Variants in STOX2 observed in about 807,000 individuals in gnomAD.
STOX2 encodes storkhead-box protein 2.
In STOX2, 28 loss-of-function variants were observed where a neutral mutation model predicts 60.9. The ratio of observed to expected loss-of-function variants is 0.46; its 90% CI spans 0.34 to 0.63. The LOEUF is 0.63. STOX2 is among the 30% of genes least tolerant of loss of function. The pLI is 0.01. For synonymous variants in STOX2, 472 were observed against 463.9 expected, an observed-to-expected ratio of 1.02 and a Z score of -0.22; for missense variants, 1,024 against 1,187.7, an observed-to-expected ratio of 0.86 and a Z score of 2.03.
At chr4:183,817,174 A>C (rs770059869) in intron 1 of STOX2, among the ~76,000 whole-genome samples, 5 of 152,240 alleles carry the variant, frequency 3.3e-5, no homozygotes, top group Non-Finnish European at 7.3e-5. Flanking sequence ...AGTGAACTGA[A>C]GCAAAGAGGA....
At chr4:183,951,444 CTTTTTTTTTTTTT>C (rs1163579369) in intron 1 of STOX2, among the ~76,000 whole-genome samples, 18 of 66,500 alleles carry the variant, frequency 2.7e-4, no homozygotes, top group African/African-American at 9.8e-4. Flanking sequence ...CTCTCTCTCT[CTTTTTTTTTTTTT>C]TTTTTTTTTT....
At chr4:183,829,070 A>G (rs964201033) in intron 1 of STOX2, among the ~76,000 whole-genome samples, 1 of 152,254 alleles carries the variant, frequency 6.6e-6, no homozygotes. Flanking sequence ...AAAGTTGACT[A>G]ATTTTCTCCA....
intron 1 of STOX2, among the ~76,000 whole-genome samples, chr4:183,805,007 C>T (rs888099975): frequency 2.6e-5 from 4 of 152,120 alleles, no homozygotes; most frequent in African/African-American, 9.7e-5. Flanking sequence ...TAAACTGAAA[C>T]GGTGTCTGTG....
chr4:183,868,124 C>G (rs1019690620), intron 1 of STOX2, among the ~76,000 whole-genome samples: 2 of 152,014 alleles, frequency 1.3e-5, no homozygotes, highest in African/African-American at 4.8e-5. Flanking sequence ...ACTGAAGCCT[C>G]TCGGTGGCAT....
chr4:183,804,476 G>T (rs1254108835), intron 1 of STOX2, among the ~76,000 whole-genome samples: 1 of 152,258 alleles, frequency 6.6e-6, no homozygotes. Flanking sequence ...AGGTGTGACT[G>T]CAGCTGAGGT....
intron 1 of STOX2, among the ~76,000 whole-genome samples, chr4:183,966,528 C>T (rs1031967007): frequency 1.3e-5 from 2 of 152,196 alleles, no homozygotes; most frequent in Non-Finnish European, 2.9e-5. Context: ...ACCCTCCCGG[C>T]GGCGCCTCCC....
chr4:183,871,314 G>T (rs1482970180), intron 1 of STOX2, among the ~76,000 whole-genome samples: 1 of 152,188 alleles, frequency 6.6e-6, no homozygotes, highest in African/African-American at 2.4e-5. Context: ...TTCTTTGAAT[G>T]CCTTTGGTAG....
intron 1 of STOX2, among the ~76,000 whole-genome samples, chr4:183,924,516 G>A (rs1033704619): frequency 4.6e-5 from 7 of 152,178 alleles, no homozygotes; most frequent in Admixed American, 3.3e-4. Context: ...AGATGAGAGA[G>A]ACAAGGCAAG....
At chr4:183,952,877 T>C (rs1418276362) in intron 1 of STOX2, among the ~76,000 whole-genome samples, 2 of 152,120 alleles carry the variant, frequency 1.3e-5, no homozygotes, top group East Asian at 1.9e-4. Flanking sequence ...GATGAGTTCA[T>C]GTCCTTTGGA....
chr4:183,851,965 G>C (rs201730462), intron 1 of STOX2, among the ~76,000 whole-genome samples: 1,472 of 71,270 alleles, frequency 0.021, 41 homozygotes, highest in East Asian at 0.044. Context: ...ATGAGGGAAA[G>C]GATGAGGGAA....
chr4:183,882,657 G>A (rs1375805697), intron 1 of STOX2, among the ~76,000 whole-genome samples: 1 of 152,204 alleles, frequency 6.6e-6, no homozygotes, highest in Middle Eastern at 3.2e-3. Flanking sequence ...TACTATGCCT[G>A]GGTTACACTT....
chr4:183,940,122 C>T (rs111831116), intron 1 of STOX2, among the ~76,000 whole-genome samples: 4,437 of 152,252 alleles, frequency 0.029, 144 homozygotes, highest in African/African-American at 0.085. Flanking sequence ...AGGCCGGCCT[C>T]GAACTCCTGA....
chr4:183,870,794 C>T (rs529264291), intron 1 of STOX2, among the ~76,000 whole-genome samples: 2 of 152,126 alleles, frequency 1.3e-5, no homozygotes, highest in East Asian at 1.9e-4. Flanking sequence ...CTATATTGAA[C>T]GTGGAAATGC....
intron 1 of STOX2, among the ~76,000 whole-genome samples, chr4:183,931,425 C>T (rs1742419326): frequency 6.6e-6 from 1 of 151,974 alleles, no homozygotes; most frequent in Non-Finnish European, 1.5e-5. Flanking sequence ...CTTCTTCCCC[C>T]AGCCTCCCCC....
At chr4:183,814,448 G>C (rs1017342358) in intron 1 of STOX2, among the ~76,000 whole-genome samples, 2 of 152,046 alleles carry the variant, frequency 1.3e-5, no homozygotes, top group Non-Finnish European at 2.9e-5. Context: ...TTCATTTTGC[G>C]GACAAAGACA....
chr4:183,870,315 C>T (rs1472104784), intron 1 of STOX2, among the ~76,000 whole-genome samples: 1 of 152,200 alleles, frequency 6.6e-6, no homozygotes, highest in African/African-American at 2.4e-5. Flanking sequence ...GAGTAAATGA[C>T]TGCTTGTAGT....
chr4:183,989,699 G>A (rs1452023379), intron 1 of STOX2, among the ~76,000 whole-genome samples: 1 of 152,266 alleles, frequency 6.6e-6, no homozygotes, highest in East Asian at 1.9e-4. Context: ...TCTGCTTTAG[G>A]ATTCAGATTA....
intron 1 of STOX2, among the ~76,000 whole-genome samples, chr4:183,912,559 G>GC (rs1345979451): frequency 6.6e-6 from 1 of 152,122 alleles, no homozygotes; most frequent in East Asian, 1.9e-4. Context: ...CAGCTCCTAT[G>GC]CCCCCTTCTC....
chr4:183,883,399 A>C (rs1741001145), intron 1 of STOX2, among the ~76,000 whole-genome samples: 1 of 150,692 alleles, frequency 6.6e-6, no homozygotes, highest in East Asian at 2.0e-4. Flanking sequence ...GGCTCACTGC[A>C]AGCTCCGCCT....
Sources: gnomAD v4.1 joint callset for allele counts (sites outside exome capture counted in the v4.1 genomes callset) on GRCh38, gnomAD v4.1.1 for gene constraint, MANE v1.5 for transcripts, NCBI Gene and HGNC (gene_info 2026-07-23, HGNC 2026-07-21) for gene names.